CPM: variants seen among roughly 807,000 people sequenced by gnomAD.
The protein encoded by CPM is carboxypeptidase M.
A neutral mutation model predicts 46.4 loss-of-function variants in CPM; 35 were observed. The ratio of observed to expected loss-of-function variants is 0.75; its 90% CI spans 0.58 to 1.00. The LOEUF (loss-of-function observed/expected upper bound fraction) is 1.00, where lower values mean the gene tolerates loss of function less well. CPM is among the 50% of genes least tolerant of loss of function. The pLI is 0.00. For missense variants in CPM, 422 were observed against 530.4 expected (o/e 0.80, Z 2.01); for synonymous variants, 195 against 195.3 (o/e 1.00, Z 0.01).
At chr12:68,850,408 T>C (rs1460650189), downstream of CPM, 1 of 152,246 alleles carries the variant, frequency 6.6e-6, no homozygotes, top group African/African-American at 2.4e-5. Context: ...TATTTCCTGT[T>C]TATTTTCTAA....
intron 2 of CPM, among the ~76,000 whole-genome samples, chr12:68,901,709 A>G (rs1887120737): frequency 6.6e-6 from 1 of 152,230 alleles, no homozygotes; most frequent in South Asian, 2.1e-4. Flanking sequence ...GGCAAGTTTA[A>G]TCATAACCTC....
chr12:68,952,843 A>C (rs1263323368), intron 1 of CPM, among the ~76,000 whole-genome samples: 1 of 152,130 alleles, frequency 6.6e-6, no homozygotes, highest in East Asian at 1.9e-4. Context: ...TTCTTCACAG[A>C]AGTAAGTAGA....
At chr12:68,845,054 C>T (rs753442532) in intron 5 of CPM, 30 of 209,692 alleles carry the variant, frequency 1.4e-4, no homozygotes, top group Non-Finnish European at 2.4e-4. Context: ...AGGCGTGAGC[C>T]GCCACGCCCA....
In CPM at chr12:68,856,603, T is replaced by A. The variant is rs768289010; in HGVS notation, c.1166A>T (p.Lys389Ile). The change falls in exon 9 of 9, where the codon AAA becomes ATA. Residue 389 changes from lysine (K) to isoleucine (I), a missense_variant. Physicochemically the swap from Lys to Ile is moderately radical, Grantham distance 102. Transcript: ENST00000551568. Reference sequence around the variant, plus strand: ...TTGGAATGGAAGTAGAATATCCTTTTTAAGAGCACTGAAGTTCTGGGATTT... The same window carrying A: ...TTGGAATGGAAGTAGAATATCCTTTATAAGAGCACTGAAGTTCTGGGATTT... ...PEKSQNFSAL[K>I]KDILLPFQGQ... is the part of the protein sequence containing the mutation. 1 of 1,614,240 alleles carries A rather than the reference T, an allele frequency of 6.2e-7. No homozygotes were observed. Among genetic ancestry groups the A allele is most frequent in the South Asian group, 1.1e-5 (1 of 91,088 alleles).
chr12:68,907,866 T>C (rs1300050394), intron 2 of CPM, among the ~76,000 whole-genome samples: 2 of 151,436 alleles, frequency 1.3e-5, no homozygotes, highest in Admixed American at 1.3e-4. Context: ...TCTCACTCTG[T>C]TGCCCAAGCT....
intron 2 of CPM, among the ~76,000 whole-genome samples, chr12:68,913,144 CA>C (rs879619665): frequency 5.9e-5 from 9 of 152,282 alleles, no homozygotes; most frequent in Admixed American, 5.9e-4. Flanking sequence ...AGTCTTCCTC[CA>C]GGGGTGCTGC....
At position 68,953,125 on chromosome 12, in the gene CPM, A is replaced by C. The variant is rs563444993; in HGVS notation, c.-4+10044T>G. 5.9e-4 allele frequency among the ~76,000 whole-genome samples: 90 copies of C among 152,348 alleles called. No individual in the cohort carries two copies. The South Asian group carries it at 9.9e-3, about 17-fold the overall frequency. On this transcript the variant is annotated intron_variant, in intron 1 of 8. Coordinates refer to the CPM transcript ENST00000546373. Reference sequence around the variant, plus strand: ...GTAAGTTATAACTGTGGGAGCCAGCACGGGACATTCATACCCATTGCTCCT... The same window carrying C: ...GTAAGTTATAACTGTGGGAGCCAGCCCGGGACATTCATACCCATTGCTCCT...
At chr12:68,875,148 G>C (rs111843593) in intron 3 of CPM, among the ~76,000 whole-genome samples, 17,102 of 151,480 alleles carry the variant, frequency 0.11, 2,035 homozygotes, top group African/African-American at 0.29. Context: ...GTCAGGAGTT[G>C]GAGACCAGCC....
chr12:68,861,362 T>A (rs1021065064), intron 7 of CPM, among the ~76,000 whole-genome samples: 2 of 152,196 alleles, frequency 1.3e-5, no homozygotes, highest in African/African-American at 2.4e-5. Context: ...TTTACAGTCT[T>A]CATGCCACTT....
rs956529448 is a variant in CPM, at chr12:68,932,688, T to C, written c.150A>G (p.Lys50=). 4 of 1,613,948 alleles carry C rather than the reference T, an allele frequency of 2.5e-6. No homozygotes were observed. Among genetic ancestry groups the C allele is most frequent in the Non-Finnish European group, 3.4e-6 (4 of 1,179,882 alleles). Residue 50 remains lysine, a synonymous_variant, in exon 2 of 9, where the codon AAA becomes AAG. Transcript: ENST00000551568. ...SSVTHLHSIG[K]SVKGRNLWVL... is the part of the protein sequence containing the mutation. ...CGAGACGGACCCTACCTTTCACAGA[T>C]TTCCCAATACTGTGTAAGTGAGTGA...
upstream of CPM, among the ~76,000 whole-genome samples, chr12:68,935,032 A>G (rs1178377347): frequency 1.3e-5 from 2 of 151,336 alleles, no homozygotes; most frequent in African/African-American, 4.9e-5. Flanking sequence ...GCCTCAGCCT[A>G]CCGAGTAGCT....
chr12:68,859,143 A>C (rs977313910), intron 7 of CPM, 72 bp from the exon 8 acceptor site: 1 of 833,720 alleles, frequency 1.2e-6, no homozygotes, highest in Non-Finnish European at 1.6e-6. Context: ...TAAATATTTA[A>C]GAACAATATA....
chr12:68,857,577 T>G (rs1485676688), intron 8 of CPM, among the ~76,000 whole-genome samples: 2 of 152,106 alleles, frequency 1.3e-5, no homozygotes, highest in Non-Finnish European at 2.9e-5. Context: ...AATGCTAAAC[T>G]AACTACAGGC....
At chr12:68,850,112 C>T (rs1358648505), downstream of CPM, 1 of 152,078 alleles carries the variant, frequency 6.6e-6, no homozygotes, top group Non-Finnish European at 1.5e-5. Flanking sequence ...TGGTGCAACC[C>T]TGTCTTAACT....
At chr12:68,958,054 G>A (rs747170731) in intron 1 of CPM, among the ~76,000 whole-genome samples, 30 of 152,258 alleles carry the variant, frequency 2.0e-4, no homozygotes, top group Middle Eastern at 3.4e-3. Context: ...GTATTCCATG[G>A]TATACATGTG....
At chr12:68,897,168 T>A (rs1187425308) in intron 2 of CPM, among the ~76,000 whole-genome samples, 1 of 152,152 alleles carries the variant, frequency 6.6e-6, no homozygotes, top group Non-Finnish European at 1.5e-5. Context: ...AACATTTAAA[T>A]TTTTAACCTA....
At chr12:68,937,438 A>C (rs2136328473), upstream of CPM, among the ~76,000 whole-genome samples, 1 of 152,344 alleles carries the variant, frequency 6.6e-6, no homozygotes, top group African/African-American at 2.4e-5. Flanking sequence ...GAGGCATTAA[A>C]TATCCTTCAG....
At chr12:68,849,727 C>T (rs950244983), downstream of CPM, 2 of 150,684 alleles carry the variant, frequency 1.3e-5, no homozygotes, top group Non-Finnish European at 3.0e-5. Flanking sequence ...ATCTGCCTGC[C>T]TCGGCCTCCC....
chr12:68,848,134 A>T (rs1177009978), downstream of CPM: 1 of 152,240 alleles, frequency 6.6e-6, no homozygotes, highest in African/African-American at 2.4e-5. Flanking sequence ...CTCTTAAAAA[A>T]ATAAAAAATA....
Sources: gnomAD v4.1 joint callset for allele counts (sites outside exome capture counted in the v4.1 genomes callset) on GRCh38, gnomAD v4.1.1 for gene constraint, MANE v1.5 for transcripts, NCBI Gene and HGNC (gene_info 2026-07-23, HGNC 2026-07-21) for gene names.